The following MICAL2 variants were observed in gnomAD, a reference collection of about 807,000 sequenced individuals.
MICAL2 encodes the protein microtubule associated monooxygenase, calponin and LIM domain containing 2.
A neutral mutation model predicts 127.3 loss-of-function variants in MICAL2; 77 were observed. The ratio of observed to expected loss-of-function variants is 0.60; its 90% confidence interval spans 0.50 to 0.73. The LOEUF (loss-of-function observed/expected upper bound fraction) is 0.73. Among genes scored for constraint, MICAL2 ranks in the 30% least tolerant of loss-of-function variants. MICAL2 has a pLI of 0.00. For synonymous variants in MICAL2, 570 were observed against 551.1 expected (o/e 1.03, Z -0.48); for missense variants, 1,351 against 1,434.4 (o/e 0.94, Z 0.94).
At chr11:12,312,916 C>T (rs1422321524) in intron 29 of MICAL2, among the ~76,000 whole-genome samples, 1 of 152,022 alleles carries the variant, frequency 6.6e-6, no homozygotes, top group African/African-American at 2.4e-5. Flanking sequence ...CCTGTAATCT[C>T]AGCACTTTGG....
At chr11:12,241,800 A>G (rs563217086) in intron 18 of MICAL2, among the ~76,000 whole-genome samples, 2 of 152,314 alleles carry the variant, frequency 1.3e-5, no homozygotes, top group South Asian at 2.1e-4. Flanking sequence ...TGTGACTACA[A>G]TGCAGCAATT....
At position 12,231,254 on chromosome 11, in the gene MICAL2, G is replaced by A. The variant is rs545817384; in HGVS notation, c.1995+4123G>A. Among the ~76,000 whole-genome samples, 6 of 152,326 alleles carry A rather than the reference G, an allele frequency of 3.9e-5. No homozygotes were observed. In the South Asian group the frequency reaches 1.2e-3, roughly 32 times the overall value. ...TTGTCCCATTCTGAGCCCACTCCTT[G>A]GGGGATAAAACAGAAGTTGTTACTT... On this transcript the variant is annotated intron_variant, in intron 15 of 27. Transcript: ENST00000683283.
intron 1 of MICAL2, among the ~76,000 whole-genome samples, chr11:12,137,301 T>TATC (rs1272670706): frequency 6.6e-6 from 1 of 151,636 alleles, no homozygotes; most frequent in East Asian, 1.9e-4. Flanking sequence ...TAAATCAGAG[T>TATC]TGATGTCCAG....
intron 32 of MICAL2, among the ~76,000 whole-genome samples, chr11:12,337,233 A>G (rs1253590459): frequency 6.6e-6 from 1 of 152,064 alleles, no homozygotes; most frequent in Non-Finnish European, 1.5e-5. Flanking sequence ...TTTCTAGTTT[A>G]TTTGCGTAGA....
At chr11:12,145,388 C>T (rs1852788519) in intron 2 of MICAL2, among the ~76,000 whole-genome samples, 1 of 152,178 alleles carries the variant, frequency 6.6e-6, no homozygotes, top group Non-Finnish European at 1.5e-5. Context: ...CACATCACCT[C>T]AAGATGACGA....
At chr11:12,312,063 T>C (rs1158031095) in intron 29 of MICAL2, among the ~76,000 whole-genome samples, 1 of 151,440 alleles carries the variant, frequency 6.6e-6, no homozygotes, top group Non-Finnish European at 1.5e-5. Context: ...TAATAGTTCA[T>C]ATAATAACTT....
chr11:12,358,175 T>C, intron 34 of MICAL2: 1 of 995,448 alleles, frequency 1.0e-6, no homozygotes, highest in Non-Finnish European at 1.5e-6. Context: ...ATTCATTTCC[T>C]TGTTTTCTCC....
intron 3 of MICAL2, among the ~76,000 whole-genome samples, chr11:12,172,504 C>T (rs1324258630): frequency 6.6e-6 from 1 of 152,060 alleles, no homozygotes; most frequent in Non-Finnish European, 1.5e-5. Context: ...TCCTACTTGG[C>T]CTTTCAGTAA....
intron 31 of MICAL2, chr11:12,327,061 G>C: frequency 4.5e-6 from 4 of 882,426 alleles, no homozygotes; most frequent in Non-Finnish European, 7.4e-6. Context: ...TTCAAGGCAG[G>C]ACCATCACAA....
At chr11:12,293,716 G>T, downstream of MICAL2, 1 of 1,614,014 alleles carries the variant, frequency 6.2e-7, no homozygotes, top group Non-Finnish European at 8.5e-7. Context: ...AGTACTGCCT[G>T]GTGAGCCCTG....
intron 1 of MICAL2, among the ~76,000 whole-genome samples, chr11:12,132,959 C>T (rs759242314): frequency 6.6e-6 from 1 of 152,186 alleles, no homozygotes; most frequent in Admixed American, 6.5e-5. Flanking sequence ...AAGGCGCTTG[C>T]CTGTGCTCAT....
At chr11:12,231,877 C>T (rs1609930) in intron 15 of MICAL2, among the ~76,000 whole-genome samples, 36,906 of 152,072 alleles carry the variant, frequency 0.24, 5,356 homozygotes, top group East Asian at 0.39. Flanking sequence ...CTTTCCTCAG[C>T]GCAATCTCAG....
chr11:12,170,732 C>T (rs1856141277), intron 3 of MICAL2, among the ~76,000 whole-genome samples: 1 of 152,188 alleles, frequency 6.6e-6, no homozygotes, highest in Admixed American at 6.5e-5. Flanking sequence ...TCCTCTTATT[C>T]CATCCCCAAT....
At chr11:12,299,247 C>T (rs1299538382) in intron 29 of MICAL2, among the ~76,000 whole-genome samples, 2 of 152,098 alleles carry the variant, frequency 1.3e-5, no homozygotes, top group Non-Finnish European at 2.9e-5. Flanking sequence ...TTTTACCTAG[C>T]CTATCAGATT....
downstream of MICAL2, among the ~76,000 whole-genome samples, chr11:12,267,961 T>C (rs1455182717): frequency 6.6e-6 from 1 of 152,232 alleles, no homozygotes; most frequent in East Asian, 1.9e-4. Flanking sequence ...GCTCACTGAA[T>C]GCAAACTCCA....
intron 3 of MICAL2, among the ~76,000 whole-genome samples, chr11:12,169,776 G>A (rs952748550): frequency 2.0e-5 from 3 of 152,312 alleles, no homozygotes; most frequent in East Asian, 1.9e-4. Flanking sequence ...GTTTGTATAC[G>A]TGTGAAATTG....
At chr11:12,212,685 G>A (rs187089999) in intron 6 of MICAL2, among the ~76,000 whole-genome samples, 18 of 152,024 alleles carry the variant, frequency 1.2e-4, no homozygotes, top group African/African-American at 3.6e-4. Context: ...CTGCAATGAC[G>A]CTATTTCCAA....
chr11:12,351,630 A>G (rs1939047094), intron 33 of MICAL2, among the ~76,000 whole-genome samples: 1 of 151,958 alleles, frequency 6.6e-6, no homozygotes, highest in African/African-American at 2.4e-5. Context: ...CACGTAGTCT[A>G]TTTTTCCCAA....
chr11:12,260,131 T>G lies in MICAL2; in HGVS notation c.3334+234T>G. ...ATCTGAGGGCTCCCTCGAGAGCATC[T>G]GCAACTGGGTGCTCAGGTGCTTCCC... On this transcript the variant is annotated intron_variant, in intron 26 of 27. Transcript: ENST00000683283. The G allele has an allele frequency of 3.9e-6, 6 of 1,533,644 alleles. No homozygotes were observed. The South Asian group carries it at 7.2e-5, about 18-fold the overall frequency.
Sources: gnomAD v4.1 joint callset for allele counts (sites outside exome capture counted in the v4.1 genomes callset) on GRCh38, gnomAD v4.1.1 for gene constraint, MANE v1.5 for transcripts, NCBI Gene and HGNC (gene_info 2026-07-23, HGNC 2026-07-21) for gene names.